SUCLG2: variants seen among roughly 807,000 people sequenced by gnomAD.
SUCLG2 encodes the protein succinate--CoA ligase [GDP-forming] subunit beta, mitochondrial.
A neutral mutation model predicts 47.9 loss-of-function variants in SUCLG2; 42 were observed. The observed-to-expected ratio is 0.88, with a 90% CI of 0.69 to 1.14. The LOEUF (loss-of-function observed/expected upper bound fraction) is 1.14. Among genes scored for constraint, SUCLG2 ranks in the 50% most tolerant of loss-of-function variants. The pLI, the probability that SUCLG2 is intolerant of heterozygous loss-of-function variation, is 0.00. For missense variants in SUCLG2, 571 were observed against 525.9 expected (o/e 1.09, Z -0.84); for synonymous variants, 195 against 197.3 (o/e 0.99, Z 0.10).
chr3:67,547,938 C>T (rs866617895), intron 2 of SUCLG2, among the ~76,000 whole-genome samples: 1 of 152,138 alleles, frequency 6.6e-6, no homozygotes, highest in African/African-American at 2.4e-5. Context: ...TACCGAAGGA[C>T]GACACAGCAT....
chr3:67,498,551 A>G (rs1705413037), intron 7 of SUCLG2, among the ~76,000 whole-genome samples: 1 of 152,234 alleles, frequency 6.6e-6, no homozygotes, highest in Non-Finnish European at 1.5e-5. Flanking sequence ...AATAACCCCA[A>G]AAGTTGCCAT....
chr3:67,589,927 G>A (rs1202958000), intron 2 of SUCLG2, among the ~76,000 whole-genome samples: 1 of 152,172 alleles, frequency 6.6e-6, no homozygotes, highest in African/African-American at 2.4e-5. Flanking sequence ...ATGTTTGTCA[G>A]GGCAAGACAT....
intron 1 of SUCLG2, among the ~76,000 whole-genome samples, chr3:67,626,452 C>T (rs905831756): frequency 6.6e-6 from 1 of 151,978 alleles, no homozygotes; most frequent in Non-Finnish European, 1.5e-5. Context: ...CCTCAGGGGA[C>T]TACTAACAGG....
At chr3:67,619,461 C>T (rs1402364591) in intron 1 of SUCLG2, among the ~76,000 whole-genome samples, 2 of 152,132 alleles carry the variant, frequency 1.3e-5, no homozygotes, top group Non-Finnish European at 2.9e-5. Flanking sequence ...TCCCAGTGCA[C>T]AACCATGGGC....
At position 67,495,856 on chromosome 3, in the gene SUCLG2, C is replaced by T; in HGVS notation, c.1004G>A (p.Gly335Asp). ...GKPANFLDLG[G>D]GVKEAQVYQA... The stretch of plus-strand genomic sequence containing the variant: ...ATATACTTGAGCTTCCTTTACACCA[C>T]CTCCAAGATCCAAGAAGTTGGCTGG... The change falls in exon 9 of 11, where the codon GGT (glycine) becomes GAT (aspartate). Residue 335 changes from glycine to aspartate, a missense_variant. Transcript: ENST00000307227. 1 of 1,613,984 alleles carries T rather than the reference C, an allele frequency of 6.2e-7. No homozygotes were observed. Among genetic ancestry groups the T allele is most frequent in the Non-Finnish European group, 8.5e-7 (1 of 1,179,932 alleles).
chr3:67,404,040 C>G (rs983208080), intron 9 of SUCLG2, among the ~76,000 whole-genome samples: 10 of 152,164 alleles, frequency 6.6e-5, no homozygotes, highest in Admixed American at 5.9e-4. Context: ...CAGCTGCCAC[C>G]ACACCTGACT....
chr3:67,446,940 TTAAA>T (rs1251357806), intron 9 of SUCLG2, among the ~76,000 whole-genome samples: 1 of 152,202 alleles, frequency 6.6e-6, no homozygotes, highest in African/African-American at 2.4e-5. Context: ...ATGCAAATTT[TTAAA>T]TAATCCTTTA....
chr3:67,392,529 C>A (rs1702413306), intron 10 of SUCLG2, among the ~76,000 whole-genome samples: 1 of 152,122 alleles, frequency 6.6e-6, no homozygotes. Flanking sequence ...ATATTTGGCC[C>A]TTTGGGTTTT....
chr3:67,595,947 A>G (rs1422731563), intron 2 of SUCLG2, among the ~76,000 whole-genome samples: 1 of 152,236 alleles, frequency 6.6e-6, no homozygotes, highest in Admixed American at 6.5e-5. Flanking sequence ...AACAAGATGA[A>G]TGTGTCTCCT....
At position 67,491,377 on chromosome 3, in the gene SUCLG2, TTTTC is replaced by T. The variant is rs1233334873; in HGVS notation, c.1062+4417_1062+4420del. On this transcript the variant is annotated intron_variant, in intron 9 of 10. Coordinates refer to ENST00000307227, the MANE Select transcript of SUCLG2 (RefSeq NM_003848.4). ...TTTCTTTTACTTTTTTTTTTTTTTT[TTTTC>T]CAGACGAAGTCTCGCTCTTGTCTCC... Among the ~76,000 whole-genome samples the T allele has an allele frequency of 5.4e-5, 8 of 147,946 alleles. No individual in the cohort carries two copies. The South Asian group carries it at 1.7e-3, about 32-fold the overall frequency.
intron 2 of SUCLG2, among the ~76,000 whole-genome samples, chr3:67,540,457 G>A (rs185250021): frequency 1.3e-5 from 2 of 152,038 alleles, no homozygotes; most frequent in Non-Finnish European, 2.9e-5. Context: ...AGAGCCCACC[G>A]CAGCGTGGCA....
At chr3:67,404,968 ATTTTTT>A (rs35223699) in intron 9 of SUCLG2, among the ~76,000 whole-genome samples, 4 of 134,788 alleles carry the variant, frequency 3.0e-5, no homozygotes, top group Non-Finnish European at 4.7e-5. Flanking sequence ...GGCAAAGAGA[ATTTTTT>A]TTTTTTTTTT....
intron 2 of SUCLG2, among the ~76,000 whole-genome samples, chr3:67,566,580 T>G (rs1364802398): frequency 6.6e-6 from 1 of 152,228 alleles, no homozygotes; most frequent in Non-Finnish European, 1.5e-5. Context: ...CATGCTTTTC[T>G]TCTAAAGTAA....
chr3:67,642,598 C>T (rs1018943057), intron 1 of SUCLG2, among the ~76,000 whole-genome samples: 1 of 152,080 alleles, frequency 6.6e-6, no homozygotes, highest in Admixed American at 6.6e-5. Context: ...CTGGATGACA[C>T]AACAAGACCC....
rs539510265 is a variant in SUCLG2 at position 67,470,413 on chromosome 3, C to A, written c.1062+25385G>T. On this transcript the variant is annotated intron_variant, in intron 9 of 10. Coordinates refer to ENST00000307227, the MANE Select transcript of SUCLG2 (RefSeq NM_003848.4). ...TTACATGCTTTTCTCTACAATGATGCAATGGTTTGAATGTCTCCTCCCAAA... is the reference window on the plus strand; with the variant it reads ...TTACATGCTTTTCTCTACAATGATGAAATGGTTTGAATGTCTCCTCCCAAA... Among the ~76,000 whole-genome samples the A allele has an allele frequency of 2.0e-5, 3 of 152,284 alleles. No homozygotes were observed. The South Asian group carries it at 6.2e-4, about 32-fold the overall frequency.
intron 9 of SUCLG2, among the ~76,000 whole-genome samples, chr3:67,477,178 G>A (rs60808969): frequency 0.034 from 5,130 of 152,138 alleles, 111 homozygotes; most frequent in East Asian, 0.067. Flanking sequence ...CAAAAGTCCC[G>A]ATGCCTCACT....
chr3:67,438,984 C>G (rs1194788505), intron 9 of SUCLG2, among the ~76,000 whole-genome samples: 2 of 152,118 alleles, frequency 1.3e-5, no homozygotes, highest in African/African-American at 4.8e-5. Flanking sequence ...TCCAAATATC[C>G]TCAATAAAAT....
chr3:67,453,570 A>G (rs1302991726), intron 9 of SUCLG2, among the ~76,000 whole-genome samples: 3 of 152,212 alleles, frequency 2.0e-5, no homozygotes, highest in Non-Finnish European at 4.4e-5. Flanking sequence ...TAGGATTTCA[A>G]CTTACGAATG....
At chr3:67,428,114 T>G (rs564179967) in intron 9 of SUCLG2, among the ~76,000 whole-genome samples, 1 of 152,228 alleles carries the variant, frequency 6.6e-6, no homozygotes, top group South Asian at 2.1e-4. Context: ...AGCACAGAGT[T>G]TGAGAACTGG....
Sources: allele counts gnomAD v4.1 joint callset (sites outside exome capture counted in the v4.1 genomes callset), GRCh38; gene constraint gnomAD v4.1.1; transcripts MANE v1.5; gene names NCBI Gene and HGNC (gene_info 2026-07-23, HGNC 2026-07-21).